UBASH3B: variants seen among roughly 807,000 people sequenced by gnomAD.
The protein encoded by UBASH3B is ubiquitin-associated and SH3 domain-containing protein B.
A neutral mutation model predicts 83.4 loss-of-function variants in UBASH3B; 37 were observed. The observed-to-expected ratio is 0.44, with a 90% CI of 0.34 to 0.58. UBASH3B has a LOEUF of 0.58. Among genes scored for constraint, UBASH3B ranks in the 20% least tolerant of loss-of-function variants. UBASH3B has a pLI of 0.01. For missense variants in UBASH3B, 657 were observed against 827.2 expected (o/e 0.79, Z 2.52); for synonymous variants, 304 against 318.3 (o/e 0.96, Z 0.48).
At chr11:122,699,228 T>G (rs1864003127) in intron 1 of UBASH3B, among the ~76,000 whole-genome samples, 1 of 152,222 alleles carries the variant, frequency 6.6e-6, no homozygotes, top group Admixed American at 6.5e-5. Flanking sequence ...GTGCCTGCTG[T>G]ACCTAGGTTA....
rs940438152 is a variant in UBASH3B, at chr11:122,664,618, T to C, written c.161+8408T>C. ...GACCCTCTGCCCGGGGCCCTCGGTA[T>C]GTGATAGGTGATCCCTTTTCTTGTT... On this transcript the variant is annotated intron_variant, in intron 1 of 13. Coordinates refer to ENST00000284273, the MANE Select transcript of UBASH3B (RefSeq NM_032873.5). 9.2e-5 allele frequency among the ~76,000 whole-genome samples: 14 copies of C among 152,308 alleles called. No individual in the cohort carries two copies. The East Asian group carries it at 1.7e-3, about 19-fold the overall frequency.
intron 1 of UBASH3B, among the ~76,000 whole-genome samples, chr11:122,753,622 G>C (rs1216374892): frequency 1.3e-5 from 2 of 148,850 alleles, no homozygotes; most frequent in Admixed American, 1.3e-4. Context: ...TCAGCCTCCC[G>C]AGTAGCTGGG....
intron 1 of UBASH3B, among the ~76,000 whole-genome samples, chr11:122,748,206 C>A (rs1179566971): frequency 1.3e-5 from 2 of 152,232 alleles, no homozygotes; most frequent in East Asian, 1.9e-4. Context: ...CCAAACAAAT[C>A]GGTGTGGACA....
intron 1 of UBASH3B, among the ~76,000 whole-genome samples, chr11:122,754,985 G>A (rs889405874): frequency 6.6e-6 from 1 of 152,138 alleles, no homozygotes; most frequent in African/African-American, 2.4e-5. Context: ...TTGGAGCGGT[G>A]GAATGGGCAC....
intron 1 of UBASH3B, among the ~76,000 whole-genome samples, chr11:122,678,316 C>T (rs1436587293): frequency 6.6e-6 from 1 of 152,162 alleles, no homozygotes; most frequent in Non-Finnish European, 1.5e-5. Flanking sequence ...CTGCCACAGC[C>T]CTGTCAGCTA....
chr11:122,799,211 C>A (rs1483566996), intron 10 of UBASH3B, among the ~76,000 whole-genome samples, 177 bp downstream of exon 10: 1 of 152,156 alleles, frequency 6.6e-6, no homozygotes, highest in Non-Finnish European at 1.5e-5. Context: ...ATACTCTGGG[C>A]CGGGCACGGT....
intron 1 of UBASH3B, among the ~76,000 whole-genome samples, chr11:122,704,285 A>G (rs566937055): frequency 6.6e-6 from 1 of 152,280 alleles, no homozygotes; most frequent in South Asian, 2.1e-4. Context: ...AGAAGTTCAC[A>G]TTTCTCAGCA....
At chr11:122,725,065 A>G (rs116853798) in intron 1 of UBASH3B, among the ~76,000 whole-genome samples, 13,484 of 62,572 alleles carry the variant, frequency 0.22, 826 homozygotes, top group Non-Finnish European at 0.23. Flanking sequence ...CCACCCCCCG[A>G]TTCAATCAAT....
intron 1 of UBASH3B, among the ~76,000 whole-genome samples, chr11:122,725,775 C>A (rs958389391): frequency 6.6e-6 from 1 of 152,084 alleles, no homozygotes; most frequent in East Asian, 1.9e-4. Flanking sequence ...CTCACTGCAA[C>A]CTCCGCCTCC....
intron 1 of UBASH3B, among the ~76,000 whole-genome samples, chr11:122,757,325 T>C (rs1477937211): frequency 2.6e-5 from 4 of 152,156 alleles, no homozygotes; most frequent in Admixed American, 6.5e-5. Context: ...CTTTTCACTG[T>C]GTGAGGCTAT....
chr11:122,656,256 C>G, intron 1 of UBASH3B, 46 bp downstream of exon 1: 3 of 1,351,128 alleles, frequency 2.2e-6, no homozygotes, highest in Non-Finnish European at 2.9e-6. Flanking sequence ...CCCGCGCGCG[C>G]GGCCGGCCCT....
intron 1 of UBASH3B, among the ~76,000 whole-genome samples, chr11:122,744,456 A>T (rs1409261861): frequency 6.6e-6 from 1 of 151,854 alleles, no homozygotes; most frequent in Admixed American, 6.6e-5. Flanking sequence ...GAGTGCCTAT[A>T]TAAGTATATG....
At chr11:122,771,123 T>G (rs1481115444) in intron 1 of UBASH3B, among the ~76,000 whole-genome samples, 1 of 152,250 alleles carries the variant, frequency 6.6e-6, no homozygotes, top group Non-Finnish European at 1.5e-5. Flanking sequence ...GCTTGGATTT[T>G]CCTGCACATG....
chr11:122,689,092 G>T (rs980646880), intron 1 of UBASH3B, among the ~76,000 whole-genome samples: 1 of 151,878 alleles, frequency 6.6e-6, no homozygotes, highest in African/African-American at 2.4e-5. Flanking sequence ...GAGCCACCGC[G>T]CCTGGCCAGC....
Position 122,783,171 on chromosome 11 carries a change from T to C in UBASH3B, c.720T>C (p.Cys240=). ...LAQNIDVKLG[C]DWVATIFSRD... ...AGAACATTGACGTCAAGCTAGGGTG[T>C]GACTGGGTGGCTACCATATTTTCTC... is the stretch of plus-strand genomic sequence containing the variant. Residue 240 remains cysteine (C), a synonymous_variant, in exon 5 of 14, where the codon TGT becomes TGC. Coordinates refer to ENST00000284273, the MANE Select transcript of UBASH3B (RefSeq NM_032873.5). 1.2e-6 allele frequency: 2 copies of C among 1,614,056 alleles called. No individual in the cohort carries two copies. Among genetic ancestry groups the C allele is most frequent in the Non-Finnish European group, 1.7e-6 (2 of 1,179,982 alleles).
chr11:122,809,315 C>T (rs7950183), intron 13 of UBASH3B, among the ~76,000 whole-genome samples: 10,289 of 152,158 alleles, frequency 0.068, 803 homozygotes, highest in African/African-American at 0.19. Context: ...CCTCAAGTGA[C>T]CCGCCCGCCT....
At chr11:122,725,489 C>A (rs76761236) in intron 1 of UBASH3B, among the ~76,000 whole-genome samples, 6 of 151,866 alleles carry the variant, frequency 4.0e-5, no homozygotes, top group Admixed American at 3.9e-4. Flanking sequence ...ATTCAGCCCA[C>A]GACATTCAGG....
intron 1 of UBASH3B, among the ~76,000 whole-genome samples, chr11:122,754,744 AAAAG>A (rs1861256278): frequency 6.6e-6 from 1 of 152,202 alleles, no homozygotes; most frequent in Admixed American, 6.5e-5. Flanking sequence ...GGTGGACAGA[AAAAG>A]AAGAGAATCC....
At chr11:122,690,206 A>AAT (rs1863872143) in intron 1 of UBASH3B, among the ~76,000 whole-genome samples, 3 of 22,640 alleles carry the variant, frequency 1.3e-4, no homozygotes, top group Admixed American at 7.7e-4. Context: ...ATATATATAT[A>AAT]TATCCAATTA....
Sources: gnomAD v4.1 joint callset for allele counts (sites outside exome capture counted in the v4.1 genomes callset) on GRCh38, gnomAD v4.1.1 for gene constraint, MANE v1.5 for transcripts, NCBI Gene and HGNC (gene_info 2026-07-23, HGNC 2026-07-21) for gene names.